The following COL13A1 variants were observed in gnomAD, a reference collection of about 807,000 sequenced individuals.
COL13A1 encodes the protein collagen type XIII alpha 1 chain, also known as collagen alpha-1(XIII) chain.
In COL13A1, 89 loss-of-function variants were observed where a neutral mutation model predicts 130.9. That is an observed-to-expected ratio of 0.68 (90% CI 0.57 to 0.81). COL13A1 has a LOEUF of 0.81. Ranked by LOEUF, COL13A1 falls within the 30% of genes least tolerant of loss-of-function variation. The pLI, the probability that COL13A1 is intolerant of heterozygous loss-of-function variation, is 0.00. For synonymous variants in COL13A1, 402 were observed against 341.6 expected, an observed-to-expected ratio of 1.18 and a Z score of -1.95; for missense variants, 879 against 934.6, an observed-to-expected ratio of 0.94 and a Z score of 0.78.
At chr10:69,848,590 CTGAG>C (rs1475721958) in intron 2 of COL13A1, among the ~76,000 whole-genome samples, 5 of 152,200 alleles carry the variant, frequency 3.3e-5, no homozygotes, top group Non-Finnish European at 5.9e-5. Flanking sequence ...AAAAACACTA[CTGAG>C]TGAGAGCAAG....
chr10:69,958,169 G>A (rs139527920), intron 40 of COL13A1, among the ~76,000 whole-genome samples: 7 of 152,226 alleles, frequency 4.6e-5, no homozygotes, highest in Admixed American at 1.3e-4. Context: ...GGCTGGCCTC[G>A]TCCTCCTGCC....
chr10:69,927,975 C>G (rs1274478338), intron 27 of COL13A1, among the ~76,000 whole-genome samples: 1 of 152,178 alleles, frequency 6.6e-6, no homozygotes, highest in Non-Finnish European at 1.5e-5. Flanking sequence ...GCTTGGCCAA[C>G]ATGGTGTCTC....
At chr10:69,872,799 A>G (rs1005517355) in intron 4 of COL13A1, among the ~76,000 whole-genome samples, 11 of 152,208 alleles carry the variant, frequency 7.2e-5, no homozygotes, top group African/African-American at 2.2e-4. Context: ...CCTCAGTGAA[A>G]TGGGTATGAT....
chr10:69,898,198 A>G (rs956754005), intron 13 of COL13A1, among the ~76,000 whole-genome samples: 28 of 152,120 alleles, frequency 1.8e-4, no homozygotes, highest in African/African-American at 6.8e-4. Context: ...CACCAGCCCA[A>G]CTTCAAGTAC....
At chr10:69,905,930 C>G (rs2062707319) in intron 17 of COL13A1, 108 bp downstream of exon 17, 4 of 1,256,602 alleles carry the variant, frequency 3.2e-6, no homozygotes, top group Non-Finnish European at 4.4e-6. Context: ...GGTGGCTGTG[C>G]CTGTAGTGAG....
chr10:69,944,256 C>T (rs879740655), intron 36 of COL13A1, 78 bp downstream of exon 36: 9 of 1,207,676 alleles, frequency 7.5e-6, no homozygotes, highest in Non-Finnish European at 1.1e-5. Flanking sequence ...GGGTCTCAGC[C>T]CTCATGCCTT....
intron 1 of COL13A1, among the ~76,000 whole-genome samples, chr10:69,820,178 C>T (rs922684131): frequency 3.3e-5 from 5 of 152,234 alleles, no homozygotes; most frequent in Admixed American, 6.5e-5. Flanking sequence ...TTATCACTGC[C>T]TGTTACACAT....
intron 33 of COL13A1, 136 bp downstream of exon 33, chr10:69,936,918 G>C: frequency 4.2e-6 from 4 of 944,004 alleles, no homozygotes; most frequent in Non-Finnish European, 6.4e-6. Flanking sequence ...CAGGGCAGGA[G>C]GAAGTCCTAG....
At chr10:69,817,418 G>T (rs921865271) in intron 1 of COL13A1, among the ~76,000 whole-genome samples, 5 of 151,660 alleles carry the variant, frequency 3.3e-5, no homozygotes, top group Non-Finnish European at 5.9e-5. Context: ...TGACAATGAA[G>T]TTGGGGGAGG....
intron 2 of COL13A1, among the ~76,000 whole-genome samples, chr10:69,842,955 G>A (rs536384555): frequency 1.3e-5 from 2 of 152,324 alleles, no homozygotes; most frequent in African/African-American, 4.8e-5. Context: ...GTGTCAGGAC[G>A]CAGTAAGGTT....
intron 32 of COL13A1, among the ~76,000 whole-genome samples, chr10:69,935,829 A>G (rs1025043422): frequency 5.3e-5 from 8 of 151,834 alleles, no homozygotes; most frequent in Non-Finnish European, 8.8e-5. Flanking sequence ...GGGCAACATA[A>G]TGAAACCCTG....
chr10:69,813,396 T>C (rs1024986862), intron 1 of COL13A1, among the ~76,000 whole-genome samples: 14 of 152,148 alleles, frequency 9.2e-5, no homozygotes, highest in East Asian at 3.9e-4. Context: ...AAAGCTCACA[T>C]AGGGGTATGT....
chr10:69,872,301 T>A, intron 4 of COL13A1, 91 bp downstream of exon 4: 1 of 1,450,262 alleles, frequency 6.9e-7, no homozygotes, highest in South Asian at 1.2e-5. Flanking sequence ...CTGGTTTTTC[T>A]CCAGGTGTAT....
At chr10:69,870,749 G>A (rs1349878401) in intron 3 of COL13A1, among the ~76,000 whole-genome samples, 1 of 151,962 alleles carries the variant, frequency 6.6e-6, no homozygotes, top group Non-Finnish European at 1.5e-5. Flanking sequence ...GAGAACAGAG[G>A]CAGGAAAGCA....
chr10:69,885,366 C>G (rs539362610), intron 7 of COL13A1, among the ~76,000 whole-genome samples: 1 of 152,306 alleles, frequency 6.6e-6, no homozygotes, highest in South Asian at 2.1e-4. Context: ...GGTAAAGAAA[C>G]AGGCAGAGAA....
At chr10:69,817,562 C>G (rs537566413) in intron 1 of COL13A1, among the ~76,000 whole-genome samples, 1 of 152,022 alleles carries the variant, frequency 6.6e-6, no homozygotes, top group Admixed American at 6.5e-5. Flanking sequence ...TAAGATCAGT[C>G]GGCGAGGTTG....
rs528401963 is a variant in COL13A1, at chr10:69,956,980, C to T, written c.2146-24C>T. The stretch of plus-strand genomic sequence containing the variant: ...TGGACCATTGCAGGAAGTCTGAGCC[C>T]TCTGCCTTCCTTTCTCCTTGCAGGG... On this transcript the variant is annotated intron_variant, in intron 39 of 40. Coordinates refer to ENST00000645393, the MANE Select transcript of COL13A1 (RefSeq NM_001368882.1). 103 of 1,611,824 alleles carry T rather than the reference C, an allele frequency of 6.4e-5. 1 individual carries two copies. In the South Asian group the frequency reaches 1.1e-3, roughly 17 times the overall value.
At chr10:69,905,967 G>T in intron 17 of COL13A1, 145 bp downstream of exon 17, 1 of 873,132 alleles carries the variant, frequency 1.1e-6, no homozygotes, top group Non-Finnish European at 1.8e-6. Flanking sequence ...CTGGCCCCCC[G>T]AGGGCCTGAT....
In COL13A1 at chr10:69,946,991, C is replaced by T. The variant is rs1244786984; in HGVS notation, c.2023-316C>T. ...TTTTCATAGAGACGGGCTTTCACCT[C>T]GTTGGCCAGGATGGTTTCGATCTCT... On this transcript the variant is annotated intron_variant, in intron 37 of 40. Transcript: ENST00000645393. 3.3e-5 allele frequency among the ~76,000 whole-genome samples: 5 copies of T among 152,176 alleles called. No individual in the cohort carries two copies. The East Asian group carries it at 7.7e-4, about 24-fold the overall frequency.
Sources: allele counts gnomAD v4.1 joint callset (sites outside exome capture counted in the v4.1 genomes callset), GRCh38; gene constraint gnomAD v4.1.1; transcripts MANE v1.5; gene names NCBI Gene and HGNC (gene_info 2026-07-23, HGNC 2026-07-21).